The following SYTL2 variants were observed in gnomAD, a reference collection of about 807,000 sequenced individuals.
SYTL2 encodes the protein synaptotagmin like 2.
In SYTL2, 165 loss-of-function variants were observed where a neutral mutation model predicts 198.7. The observed-to-expected ratio is 0.83, with a 90% CI of 0.73 to 0.94. The LOEUF (loss-of-function observed/expected upper bound fraction) is 0.94. Ranked by LOEUF, SYTL2 falls within the 40% of genes least tolerant of loss-of-function variation. The pLI is 0.00. For missense variants in SYTL2, 2,835 were observed against 2,582.8 expected (o/e 1.10, Z -2.12); for synonymous variants, 966 against 917.7 (o/e 1.05, Z -0.95).
chr11:85,716,164 ATG>A (rs2087199649), intron 11 of SYTL2: 2 of 152,208 alleles, frequency 1.3e-5, no homozygotes, highest in Admixed American at 1.3e-4. Context: ...ATATATGTCT[ATG>A]TGTGTTTTGC....
intron 16 of SYTL2, among the ~76,000 whole-genome samples, chr11:85,701,157 T>A (rs1281957448): frequency 2.6e-5 from 4 of 152,244 alleles, no homozygotes; most frequent in Non-Finnish European, 5.9e-5. Context: ...ATATTCCTTA[T>A]CTGAAATGCT....
chr11:85,700,639 C>G (rs1191998292), intron 16 of SYTL2, 46 bp from the exon 17 acceptor site: 14 of 1,455,546 alleles, frequency 9.6e-6, no homozygotes, highest in African/African-American at 1.4e-5. Context: ...AACTTTTCAT[C>G]CTGTTTGTTG....
chr11:85,746,858 C>T (rs145581122), intron 3 of SYTL2, among the ~76,000 whole-genome samples: 85 of 152,304 alleles, frequency 5.6e-4, no homozygotes, highest in African/African-American at 1.9e-3. Context: ...ATTTTGAAAT[C>T]CTGGCTCTGC....
intron 9 of SYTL2, chr11:85,719,094 G>A (rs2087851810): frequency 6.7e-7 from 1 of 1,492,516 alleles, no homozygotes; most frequent in African/African-American, 1.4e-5. Flanking sequence ...AAGGGTTAGA[G>A]GGTTAGTTCA....
chr11:85,806,619 C>T (rs1404276659), intron 1 of SYTL2, among the ~76,000 whole-genome samples: 3 of 152,182 alleles, frequency 2.0e-5, no homozygotes, highest in Non-Finnish European at 4.4e-5. Flanking sequence ...ATCTGTGGAT[C>T]ATGTGTTCTG....
At chr11:85,748,757 C>T (rs1232901209) in intron 2 of SYTL2, among the ~76,000 whole-genome samples, 2 of 152,156 alleles carry the variant, frequency 1.3e-5, no homozygotes, top group Non-Finnish European at 2.9e-5. Flanking sequence ...GGTAGGCTTC[C>T]CTAAGCCTTG....
the SYTL2 span, among the ~76,000 whole-genome samples, chr11:85,822,555 A>C: frequency 1.3e-5 from 2 of 152,184 alleles, no homozygotes. Flanking sequence ...CACTGTCTGG[A>C]AACTGCTGCT....
At chr11:85,714,673 C>G in intron 11 of SYTL2, 166 bp from the exon 12 acceptor site, 1 of 1,346,142 alleles carries the variant, frequency 7.4e-7, no homozygotes, top group Non-Finnish European at 9.6e-7. Flanking sequence ...TAGCAACATG[C>G]AGTTTTTATA....
At chr11:85,776,747 T>A (rs2092458377) in intron 1 of SYTL2, among the ~76,000 whole-genome samples, 1 of 152,256 alleles carries the variant, frequency 6.6e-6, no homozygotes, top group Admixed American at 6.5e-5. Context: ...TGACTTATAA[T>A]CCTTTGGGTA....
chr11:85,847,356 T>C, the SYTL2 span, among the ~76,000 whole-genome samples: 1 of 152,318 alleles, frequency 6.6e-6, no homozygotes, highest in South Asian at 2.1e-4. Flanking sequence ...ATCCAGGTTG[T>C]TGCATGTATC....
chr11:85,757,133 A>G (rs1238620762), intron 2 of SYTL2, among the ~76,000 whole-genome samples: 1 of 152,264 alleles, frequency 6.6e-6, no homozygotes, highest in African/African-American at 2.4e-5. Context: ...CAAATGAAAA[A>G]TTGGCTCAGA....
chr11:85,715,205 T>C (rs1472486930), intron 11 of SYTL2: 1 of 152,168 alleles, frequency 6.6e-6, no homozygotes, highest in East Asian at 1.9e-4. Context: ...AGAAAGTATA[T>C]GTGTAGAAGG....
chr11:85,727,418 A>G lies in SYTL2; in HGVS notation c.1940T>C (p.Met647Thr), dbSNP rs546388904. 6.5e-7 allele frequency: 1 copy of G among 1,536,228 alleles called. No homozygotes were observed. The highest frequency in any genetic ancestry group is 2.0e-5 in the Admixed American group (1 of 50,964). The change falls in exon 8 of 20, where the codon ATG (methionine) becomes ACG (threonine). Residue 647 changes from methionine to threonine, a missense_variant. Met to Thr is a moderately conservative substitution (Grantham distance 81). Transcript: ENST00000359152. ...GCTTTTTGAATCTTGGCTATAGTCC[A>G]TATTTTTACTCCCTTGACTTGGGGT... ...YGTPSQGSKN[M>T]DYSQDSKSPG...
the SYTL2 span, among the ~76,000 whole-genome samples, chr11:85,823,131 C>T: frequency 6.6e-6 from 1 of 152,230 alleles, no homozygotes; most frequent in African/African-American, 2.4e-5. Flanking sequence ...AACATTTGAG[C>T]CTCCACTAGA....
In SYTL2 at chr11:85,737,579, T is replaced by C. The variant is rs1192315113; in HGVS notation, c.467A>G (p.Glu156Gly). Residue 156 changes from glutamate (E) to glycine (G), a missense_variant, in exon 5 of 20, where the codon GAG becomes GGG. Glu to Gly is a moderately conservative substitution (Grantham distance 98). This residue lies in a region of SYTL2 where 2,645 missense variants were observed against 2,381.7 expected (regional missense o/e 1.11). Transcript: ENST00000359152. ...CAAAATCTGGGCTCAGTCTACCTTC[T>C]CTGGAGACACATTTGGTTTCCTTGT... ...ENTRKPNVSP[E>G]KQRKNPFNSS... is the part of the protein sequence containing the mutation. The C allele has an allele frequency of 6.2e-7, 1 of 1,613,158 alleles. No homozygotes were observed. Among genetic ancestry groups the C allele is most frequent in the Non-Finnish European group, 8.5e-7 (1 of 1,179,298 alleles).
chr11:85,698,517 G>A (rs1332628606), intron 17 of SYTL2, among the ~76,000 whole-genome samples: 1 of 152,126 alleles, frequency 6.6e-6, no homozygotes, highest in Admixed American at 6.6e-5. Context: ...TATTGGCTAA[G>A]GTATAGTCAT....
At chr11:85,737,122 T>C (rs1174619735) in intron 5 of SYTL2, among the ~76,000 whole-genome samples, 1 of 152,204 alleles carries the variant, frequency 6.6e-6, no homozygotes, top group African/African-American at 2.4e-5. Context: ...ATGATAAAAA[T>C]GGTATCAATA....
intron 7 of SYTL2, among the ~76,000 whole-genome samples, chr11:85,732,858 A>T (rs2089951594): frequency 6.6e-6 from 1 of 152,240 alleles, no homozygotes; most frequent in Admixed American, 6.5e-5. Context: ...GGCAGAGGGT[A>T]CACAGCATGT....
the SYTL2 span, chr11:85,853,123 G>A: frequency 3.4e-6 from 1 of 296,520 alleles, no homozygotes; most frequent in African/African-American, 2.4e-5. Context: ...GGGAAGCGAG[G>A]AGCCCCTCTG....
Sources: gnomAD v4.1 joint callset for allele counts (sites outside exome capture counted in the v4.1 genomes callset) on GRCh38, gnomAD v4.1.1 for gene constraint, gnomAD v4.1.1 regional missense constraint, MANE v1.5 for transcripts, NCBI Gene and HGNC (gene_info 2026-07-23, HGNC 2026-07-21) for gene names.